KDM4C: variants seen among roughly 807,000 people sequenced by gnomAD.
KDM4C encodes lysine-specific demethylase 4C.
In KDM4C, 81 loss-of-function variants were observed where a neutral mutation model predicts 129.3. That is an observed-to-expected ratio of 0.63 (90% CI 0.52 to 0.75). The LOEUF is 0.75. Ranked by LOEUF, KDM4C falls within the 30% of genes least tolerant of loss-of-function variation. KDM4C has a pLI of 0.00. For synonymous variants in KDM4C, 573 were observed against 456.1 expected (o/e 1.26, Z -3.26); for missense variants, 1,457 against 1,304.0 (o/e 1.12, Z -1.81).
chr9:6,948,255 T>C (rs1051012294), intron 8 of KDM4C: 1 of 152,240 alleles, frequency 6.6e-6, no homozygotes, highest in Non-Finnish European at 1.5e-5. Context: ...ATGAATAAAT[T>C]TGCAAAACTA....
intron 19 of KDM4C, among the ~76,000 whole-genome samples, chr9:7,163,253 G>A (rs1299341987): frequency 6.6e-6 from 1 of 152,114 alleles, no homozygotes; most frequent in East Asian, 1.9e-4. Context: ...TATGTGTTAA[G>A]TAAATTAGGT....
intron 12 of KDM4C, among the ~76,000 whole-genome samples, chr9:7,006,324 G>T (rs1246172747): frequency 6.6e-6 from 1 of 152,158 alleles, no homozygotes; most frequent in Non-Finnish European, 1.5e-5. Context: ...AACATGTCCT[G>T]TGGGGTTGAG....
chr9:6,863,694 C>G (rs1315787739), intron 5 of KDM4C, among the ~76,000 whole-genome samples: 2 of 150,862 alleles, frequency 1.3e-5, no homozygotes, highest in South Asian at 2.1e-4. Flanking sequence ...TACTCAGAGG[C>G]TGAGGCAGGA....
chr9:6,746,813 C>T (rs1193155225), intron 1 of KDM4C, among the ~76,000 whole-genome samples: 1 of 149,022 alleles, frequency 6.7e-6, no homozygotes, highest in African/African-American at 2.4e-5. Context: ...TCGAGACCAT[C>T]CTGGCTAACA....
intron 1 of KDM4C, among the ~76,000 whole-genome samples, chr9:6,784,221 G>C (rs1449811687): frequency 6.6e-6 from 1 of 152,154 alleles, no homozygotes; most frequent in Non-Finnish European, 1.5e-5. Flanking sequence ...CCTCATTTAA[G>C]TAACTTTCCT....
At chr9:7,025,596 C>G (rs1457105358) in intron 15 of KDM4C, among the ~76,000 whole-genome samples, 1 of 151,964 alleles carries the variant, frequency 6.6e-6, no homozygotes, top group Non-Finnish European at 1.5e-5. Context: ...AGCTGACAAC[C>G]ACTTAACATT....
chr9:6,737,605 A>C (rs567721402), intron 1 of KDM4C, among the ~76,000 whole-genome samples: 187 of 143,840 alleles, frequency 1.3e-3, no homozygotes, highest in African/African-American at 4.7e-3. Context: ...CAGAGGTTGC[A>C]GTGAGCCGGG....
chr9:7,139,511 G>A (rs1054549250), intron 19 of KDM4C, among the ~76,000 whole-genome samples: 2 of 152,126 alleles, frequency 1.3e-5, no homozygotes, highest in Non-Finnish European at 2.9e-5. Flanking sequence ...GAAAGAATGT[G>A]GATGTGAGTG....
At chr9:6,922,636 A>T (rs993962082) in intron 8 of KDM4C, among the ~76,000 whole-genome samples, 21 of 152,234 alleles carry the variant, frequency 1.4e-4, no homozygotes, top group African/African-American at 5.1e-4. Context: ...AGTCTCATCT[A>T]CCTGGGAGAC....
At chr9:7,104,076 G>C (rs1245754899) in intron 18 of KDM4C, 5 of 544,116 alleles carry the variant, frequency 9.2e-6, no homozygotes, top group Admixed American at 3.1e-5. Flanking sequence ...TGCACGCTAG[G>C]CACAATAAAT....
chr9:6,826,416 G>C (rs1236060617), intron 4 of KDM4C, among the ~76,000 whole-genome samples: 1 of 151,956 alleles, frequency 6.6e-6, no homozygotes, highest in Non-Finnish European at 1.5e-5. Flanking sequence ...AAACTGTTTT[G>C]TATATTTCCT....
At chr9:7,093,111 T>G (rs948701970) in intron 17 of KDM4C, among the ~76,000 whole-genome samples, 3 of 152,150 alleles carry the variant, frequency 2.0e-5, no homozygotes, top group Admixed American at 6.5e-5. Context: ...AAAGAACATT[T>G]TAGGTAATGT....
chr9:6,891,555 T>G (rs1846121740), intron 7 of KDM4C, among the ~76,000 whole-genome samples: 1 of 152,142 alleles, frequency 6.6e-6, no homozygotes, highest in Non-Finnish European at 1.5e-5. Context: ...GGTTTCTTTT[T>G]GAGGTGATAA....
At chr9:7,016,948 C>T (rs928404291) in intron 15 of KDM4C, among the ~76,000 whole-genome samples, 2 of 152,086 alleles carry the variant, frequency 1.3e-5, no homozygotes, top group African/African-American at 4.8e-5. Context: ...TTATTTTTCT[C>T]TTTTTGAGAC....
At chr9:7,004,340 A>G (rs10975965) in intron 12 of KDM4C, among the ~76,000 whole-genome samples, 15,762 of 152,288 alleles carry the variant, frequency 0.1, 892 homozygotes, top group African/African-American at 0.13. Flanking sequence ...TTTTGACAGC[A>G]GTTTTTAAAA....
chr9:6,762,224 T>G (rs1358204496), intron 1 of KDM4C, among the ~76,000 whole-genome samples: 1 of 152,170 alleles, frequency 6.6e-6, no homozygotes, highest in Non-Finnish European at 1.5e-5. Flanking sequence ...CATAAGGTAT[T>G]TCTCCTAACA....
intron 15 of KDM4C, among the ~76,000 whole-genome samples, chr9:7,029,813 T>A (rs556449010): frequency 6.6e-6 from 1 of 152,212 alleles, no homozygotes. Context: ...AGTCACAGAA[T>A]GTAACATCCA....
intron 4 of KDM4C, among the ~76,000 whole-genome samples, chr9:6,838,535 C>T (rs1248549086): frequency 6.6e-6 from 1 of 151,986 alleles, no homozygotes; most frequent in Non-Finnish European, 1.5e-5. Flanking sequence ...TTTGACTGGA[C>T]GTTTTCCCCA....
At chr9:6,894,439 T>C (rs1846538388) in intron 8 of KDM4C, among the ~76,000 whole-genome samples, 1 of 152,238 alleles carries the variant, frequency 6.6e-6, no homozygotes, top group African/African-American at 2.4e-5. Context: ...CTGCATTGCT[T>C]TTGTGGAAAT....
Sources: allele counts gnomAD v4.1 joint callset (sites outside exome capture counted in the v4.1 genomes callset), GRCh38; gene constraint gnomAD v4.1.1; transcripts MANE v1.5; gene names NCBI Gene and HGNC (gene_info 2026-07-23, HGNC 2026-07-21).